Variants in CELSR1 observed in about 807,000 individuals in gnomAD.
CELSR1 encodes the protein cadherin EGF LAG seven-pass G-type receptor 1, also known as adhesion G protein-coupled receptor C1.
CELSR1 carries 110 observed loss-of-function variants against 249.1 expected under a neutral mutation model. That is an observed-to-expected ratio of 0.44 (90% CI 0.38 to 0.52). The LOEUF is 0.52. Ranked by LOEUF, CELSR1 falls within the 20% of genes least tolerant of loss-of-function variation. CELSR1 has a pLI of 0.00. For synonymous variants in CELSR1, 2,113 were observed against 1,900.0 expected (o/e 1.11, Z -2.92); for missense variants, 4,109 against 4,296.4 (o/e 0.96, Z 1.22).
Position 46,534,231 on chromosome 22 carries a change from G to A in CELSR1, c.2940C>T (p.Ser980=), listed in dbSNP as rs377280238. 126 of 1,613,620 alleles carry A rather than the reference G, an allele frequency of 7.8e-5. No homozygotes were observed. Among genetic ancestry groups the A allele is most frequent in the Non-Finnish European group, 9.2e-5 (109 of 1,180,040 alleles). ...TGGTCACCTGGATTTCTACCGAGGCGCTAAGGGGAGTGGGACTGCCCCGAT... is the reference window on the plus strand; with the variant it reads ...TGGTCACCTGGATTTCTACCGAGGCACTAAGGGGAGTGGGACTGCCCCGAT... ...AVDRGSPTPL[S]ASVEIQVTIL... is the part of the protein sequence containing the mutation. Residue 980 remains serine (S), a synonymous_variant, in exon 1 of 35, where the codon AGC becomes AGT. Coordinates refer to ENST00000674500, the MANE Select transcript of CELSR1 (RefSeq NM_001378328.1). This position sits in a 1 kb window ranked among gnomAD's most constrained non-coding sequence, Gnocchi z 9.7.
Position 46,411,640 on chromosome 22 carries a change from G to A in CELSR1, c.4731C>T (p.Tyr1577=). 1 of 1,614,200 alleles carries A rather than the reference G, an allele frequency of 6.2e-7. No individual in the cohort carries two copies. ...AVRFGKDIGN[Y]SCAAQGTQTG... is the part of the protein sequence containing the mutation. The stretch of plus-strand genomic sequence containing the variant: ...TCTGAGTGCCCTGGGCAGCGCAGCT[G>A]TAGTTCCCGATGTCCTTTCCAAAGC... Residue 1577 remains tyrosine (Y), a synonymous_variant, in exon 6 of 35, where the codon TAC becomes TAT. Coordinates refer to ENST00000674500, the MANE Select transcript of CELSR1 (RefSeq NM_001378328.1). This position sits in a 1 kb window ranked among gnomAD's most constrained non-coding sequence, Gnocchi z 4.2.
chr22:46,521,539 G>A (rs1326864143), intron 1 of CELSR1, among the ~76,000 whole-genome samples: 1 of 151,402 alleles, frequency 6.6e-6, no homozygotes, highest in African/African-American at 2.4e-5. Context: ...AGTCAGGCCG[G>A]ACACAGTGGC....
At chr22:46,508,439 A>ACC (rs140136138) in intron 1 of CELSR1, among the ~76,000 whole-genome samples, 8,670 of 36,324 alleles carry the variant, frequency 0.24, 444 homozygotes, top group South Asian at 0.35. Context: ...TGGCCCCCCC[A>ACC]CCCCCGCCCC....
intron 1 of CELSR1, among the ~76,000 whole-genome samples, chr22:46,497,507 G>A (rs760835966): frequency 1.2e-4 from 19 of 152,128 alleles, no homozygotes; most frequent in Non-Finnish European, 2.1e-4. Context: ...TTGGGTTGGG[G>A]CTACATCATC....
rs1308855267 is a variant in CELSR1 at position 46,441,587 on chromosome 22, A to C, written c.4184-2176T>G. On this transcript the variant is annotated intron_variant, in intron 2 of 34. Coordinates refer to ENST00000674500, the MANE Select transcript of CELSR1 (RefSeq NM_001378328.1). This position sits in a 1 kb window ranked among gnomAD's most constrained non-coding sequence, Gnocchi z 6.1. ...CTTCCAGCTGAGGTGGCCTCTGTGG[A>C]GGTCTGTCTTTCTAGCTAGCAGACG... 2.6e-5 allele frequency among the ~76,000 whole-genome samples: 4 copies of C among 152,086 alleles called. No homozygotes were observed. The highest frequency in any genetic ancestry group is 7.2e-5 in the African/African-American group (3 of 41,402).
intron 1 of CELSR1, among the ~76,000 whole-genome samples, chr22:46,501,582 C>T (rs1247629414): frequency 6.6e-6 from 1 of 152,140 alleles, no homozygotes. Flanking sequence ...CTCATAGGAA[C>T]CTACGGAAAC....
chr22:46,489,059 G>A (rs1484221462), intron 1 of CELSR1, among the ~76,000 whole-genome samples: 1 of 152,102 alleles, frequency 6.6e-6, no homozygotes, highest in African/African-American at 2.4e-5. Context: ...TGGCAGGGCA[G>A]GGCCACCTTC....
chr22:46,366,514 T>G (rs1286340541), intron 29 of CELSR1, 34 bp from the exon 30 acceptor site: 2 of 1,491,276 alleles, frequency 1.3e-6, no homozygotes, highest in African/African-American at 2.8e-5. Context: ...CACTGCCAAG[T>G]GGTGGCCACC....
chr22:46,508,642 C>T (rs2080541067), intron 1 of CELSR1, among the ~76,000 whole-genome samples: 1 of 152,056 alleles, frequency 6.6e-6, no homozygotes, highest in Admixed American at 6.5e-5. Context: ...GGAGGGGCCT[C>T]TCCAGAGCCA....
chr22:46,367,916 C>T (rs2078805606), intron 27 of CELSR1, 61 bp from the exon 28 acceptor site: 2 of 1,540,172 alleles, frequency 1.3e-6, no homozygotes, highest in African/African-American at 1.4e-5. Context: ...TCCTCCCTCC[C>T]TCTCTGCACG....
At chr22:46,485,988 A>G (rs548846869) in intron 1 of CELSR1, among the ~76,000 whole-genome samples, 2 of 131,826 alleles carry the variant, frequency 1.5e-5, no homozygotes, top group East Asian at 2.2e-4. Flanking sequence ...CCCAGGCCGG[A>G]GTGCAGTGGC....
chr22:46,410,422 T>A lies in CELSR1; in HGVS notation c.4909A>T (p.Ile1637Phe), dbSNP rs763906361. 8.1e-6 allele frequency: 13 copies of A among 1,613,876 alleles called. No homozygotes were observed. In the East Asian group the frequency reaches 2.9e-4, roughly 36 times the overall value. Residue 1637 changes from isoleucine (I) to phenylalanine (F), a missense_variant, in exon 7 of 35, where the codon ATC becomes TTC. By Grantham distance (21) the Ile-to-Phe change is conservative (BLOSUM62 0). Transcript: ENST00000674500. The surrounding 1 kb of genome is among the most constrained non-coding windows in gnomAD (Gnocchi z 6.8). Reference protein sequence around the residue: ...DGKNVDMAGFIANNGTREGCA... With the variant: ...DGKNVDMAGFFANNGTREGCA... ...CCTTCCCGGGTGCCATTGTTGGCGA[T>A]GAATCCGGCCATGTCCACATTTTTG...
At chr22:46,501,327 T>C (rs1328533131) in intron 1 of CELSR1, among the ~76,000 whole-genome samples, 2 of 149,478 alleles carry the variant, frequency 1.3e-5, no homozygotes, top group Admixed American at 6.7e-5. Flanking sequence ...TGCCTCAACC[T>C]CCAGAGTAGC....
chr22:46,386,301 G>C (rs566615842), intron 19 of CELSR1, 101 bp downstream of exon 19: 38 of 1,301,288 alleles, frequency 2.9e-5, no homozygotes, highest in Non-Finnish European at 3.7e-5. Flanking sequence ...CATGGCCAAG[G>C]GGGGGCCGGG....
intron 1 of CELSR1, among the ~76,000 whole-genome samples, chr22:46,466,509 G>T (rs2080098104): frequency 6.6e-6 from 1 of 152,160 alleles, no homozygotes; most frequent in Admixed American, 6.5e-5. Flanking sequence ...CCCCAGATGT[G>T]ACCCACCGGG....
chr22:46,439,639 T>A (rs1057276295), intron 2 of CELSR1, among the ~76,000 whole-genome samples: 1 of 152,020 alleles, frequency 6.6e-6, no homozygotes, highest in African/African-American at 2.4e-5. Context: ...GTGGGCAAAC[T>A]AAGGATGGTG....
rs1175427926 is a variant in CELSR1 at position 46,471,066 on chromosome 22, AG to A, written c.3545-6722del. On this transcript the variant is annotated intron_variant, in intron 1 of 34. Coordinates refer to ENST00000674500, the MANE Select transcript of CELSR1 (RefSeq NM_001378328.1). This position sits in a 1 kb window ranked among gnomAD's most constrained non-coding sequence, Gnocchi z 4.9. ...CTTGAACCTGGGAGTCGGAGGTTGC[AG>A]TGAGCCAAGATGGCACCACTGCACT... is the stretch of plus-strand genomic sequence containing the variant. Among the ~76,000 whole-genome samples, 1 of 152,100 alleles carries A rather than the reference AG, an allele frequency of 6.6e-6. No individual in the cohort carries two copies. The highest frequency in any genetic ancestry group is 1.5e-5 in the Non-Finnish European group (1 of 68,026).
At chr22:46,450,072 C>T (rs2079866191) in intron 2 of CELSR1, among the ~76,000 whole-genome samples, 1 of 152,190 alleles carries the variant, frequency 6.6e-6, no homozygotes, top group Admixed American at 6.5e-5. Context: ...CAGTCCCACA[C>T]CAGCAAGGCC....
chr22:46,534,046 T>TC lies in CELSR1; in HGVS notation c.3124dup (p.Asp1042GlyfsTer24). On this transcript the variant is annotated frameshift_variant, in exon 1 of 35. Transcript: ENST00000674500. LOFTEE classifies it high-confidence loss of function. The surrounding 1 kb of genome is among the most constrained non-coding windows in gnomAD (Gnocchi z 9.7). ...GTCCAGCTGGAAGAAATGCCGCATG[T>TC]CCCCTTCCACAATCTGATACATGAT... 1 of 1,613,680 alleles carries TC rather than the reference T, an allele frequency of 6.2e-7. No homozygotes were observed. Among genetic ancestry groups the TC allele is most frequent in the African/African-American group, 1.3e-5 (1 of 75,026 alleles).
Sources: allele counts gnomAD v4.1 joint callset (sites outside exome capture counted in the v4.1 genomes callset), GRCh38; gene constraint gnomAD v4.1.1; non-coding constraint Gnocchi (gnomAD v3.1); transcripts MANE v1.5; gene names NCBI Gene and HGNC (gene_info 2026-07-23, HGNC 2026-07-21).